The following HOMER2 variants were observed in gnomAD, a reference collection of about 807,000 sequenced individuals.
The protein encoded by HOMER2 is homer scaffold protein 2.
Under a neutral mutation model 47.0 loss-of-function variants are expected in HOMER2, and 27 were observed. The ratio of observed to expected loss-of-function variants is 0.57; its 90% CI spans 0.42 to 0.79. HOMER2 has a LOEUF of 0.79. Ranked by LOEUF, HOMER2 falls within the 30% of genes least tolerant of loss-of-function variation. The probability of loss-of-function intolerance (pLI) is 0.00; values close to 1 mark genes in which losing one functional copy is unlikely to be tolerated. For missense variants in HOMER2, 443 were observed against 435.0 expected, an observed-to-expected ratio of 1.02 and a Z score of -0.16; for synonymous variants, 161 against 163.8, an observed-to-expected ratio of 0.98 and a Z score of 0.13.
chr15:82,867,892 C>T (rs1487896748), intron 3 of HOMER2, among the ~76,000 whole-genome samples: 2 of 152,092 alleles, frequency 1.3e-5, no homozygotes, highest in Non-Finnish European at 2.9e-5. Flanking sequence ...CCAGTGGGCC[C>T]TAGGAGAATG....
At chr15:82,860,494 CA>C (rs1328802141) in intron 4 of HOMER2, among the ~76,000 whole-genome samples, 4 of 152,236 alleles carry the variant, frequency 2.6e-5, no homozygotes, top group Admixed American at 2.6e-4. Context: ...CATATGTTCA[CA>C]TTTTTTTGTG....
At chr15:82,952,739 C>T (rs903780886), upstream of HOMER2, 233 of 978,716 alleles carry the variant, frequency 2.4e-4, no homozygotes, top group Non-Finnish European at 2.7e-4. Context: ...GGGGGCTGGG[C>T]GGCCGCGCTG....
Position 82,968,297 on chromosome 15 carries a change from C to G in HOMER2, n.83-8989G>C, listed in dbSNP as rs183142561. Among the ~76,000 whole-genome samples, 620 of 152,328 alleles carry G rather than the reference C, an allele frequency of 4.1e-3. 2 individuals are homozygous for G. The highest frequency in any genetic ancestry group is 8.4e-3 in the Admixed American group (128 of 15,306). ...ATTTTATCGCCCCACAAGGAAACCT[C>G]AAACCCAGTTAGTCAGTCAGTCCTC... On this transcript the variant is annotated intron_variant and non_coding_transcript_variant, in intron 1 of 1. Coordinates refer to the HOMER2 transcript ENST00000500334.
rs2053741484 is a variant in HOMER2 at position 82,922,026 on chromosome 15, T to C, written c.6-29185A>G. ...AACATTAAGTTAATCTCATTCATTT[T>C]TCAGTTATAACTTGCATATGCTTAA... On this transcript the variant is annotated intron_variant, in intron 1 of 8. Coordinates refer to ENST00000450735, the MANE Select transcript of HOMER2 (RefSeq NM_004839.4). Among the ~76,000 whole-genome samples, 8 of 152,236 alleles carry C rather than the reference T, an allele frequency of 5.3e-5. No individual in the cohort carries two copies. The South Asian group carries it at 1.7e-3, about 32-fold the overall frequency.
chr15:82,871,863 C>T (rs568080458), intron 3 of HOMER2, among the ~76,000 whole-genome samples: 28 of 152,296 alleles, frequency 1.8e-4, no homozygotes, highest in African/African-American at 6.7e-4. Context: ...TTCTTGCTGT[C>T]GATTCTTTTC....
intron 1 of HOMER2, among the ~76,000 whole-genome samples, chr15:82,943,314 C>G (rs1441658282): frequency 6.6e-6 from 1 of 152,184 alleles, no homozygotes; most frequent in Non-Finnish European, 1.5e-5. Flanking sequence ...GCTTAACCAG[C>G]CTTCCCAGCT....
At chr15:82,978,226 G>C (rs2030272668) in intron 1 of HOMER2, among the ~76,000 whole-genome samples, 1 of 152,168 alleles carries the variant, frequency 6.6e-6, no homozygotes, top group African/African-American at 2.4e-5. Context: ...CTATGTATCA[G>C]ATTGCCAGAC....
At chr15:82,897,914 A>C (rs2052987712) in intron 1 of HOMER2, among the ~76,000 whole-genome samples, 1 of 152,260 alleles carries the variant, frequency 6.6e-6, no homozygotes, top group South Asian at 2.1e-4. Flanking sequence ...CAACTAAGCT[A>C]TACCAGACTC....
chr15:82,933,701 C>T (rs555587495), intron 1 of HOMER2, among the ~76,000 whole-genome samples: 5 of 152,356 alleles, frequency 3.3e-5, no homozygotes, highest in Admixed American at 1.3e-4. Context: ...GGGGCAGGCC[C>T]ACTGCCTCCT....
chr15:82,939,872 G>C (rs2054223963), intron 1 of HOMER2, among the ~76,000 whole-genome samples: 1 of 151,966 alleles, frequency 6.6e-6, no homozygotes, highest in Admixed American at 6.6e-5. Flanking sequence ...ATACACCATG[G>C]AATACTACGC....
At chr15:82,842,093 TTAAAGTAGTAGGA>T (rs2051181838) in exon 2 of HOMER2, 1 of 152,186 alleles carries the variant, frequency 6.6e-6, no homozygotes, top group Non-Finnish European at 1.5e-5. Context: ...TTTTCATTTT[TTAAAGTAGTAGGA>T]TCTCATTTAC....
chr15:82,938,858 C>A (rs145056620), intron 1 of HOMER2, among the ~76,000 whole-genome samples: 1 of 152,188 alleles, frequency 6.6e-6, no homozygotes, highest in Non-Finnish European at 1.5e-5. Context: ...GTTGAAGATG[C>A]TCCCCTTTTC....
At chr15:82,929,856 G>A (rs1409799493) in intron 1 of HOMER2, among the ~76,000 whole-genome samples, 1 of 151,328 alleles carries the variant, frequency 6.6e-6, no homozygotes, top group Non-Finnish European at 1.5e-5. Context: ...TCAGCCTCCC[G>A]AGTAGCTGGG....
chr15:82,892,767 G>GC lies in HOMER2; in HGVS notation c.79dup (p.Ala27GlyfsTer13). 1 of 1,606,252 alleles carries GC rather than the reference G, an allele frequency of 6.2e-7. No homozygotes were observed. The highest frequency in any genetic ancestry group is 8.5e-7 in the Non-Finnish European group (1 of 1,174,612). On this transcript the variant is annotated frameshift_variant, in exon 2 of 9. Coordinates refer to ENST00000450735, the MANE Select transcript of HOMER2 (RefSeq NM_004839.4). LOFTEE classifies it high-confidence loss of function. ...GGAAACGGTGACCGCCTGCTTGCTC[G>GC]CAGGCATCCAGTTCTTCTTGGTGTT...
At position 82,875,373 on chromosome 15, in the gene HOMER2, A is replaced by T; in HGVS notation, c.194T>A (p.Met65Lys). Residue 65 changes from methionine to lysine, a missense_variant, in exon 3 of 9, where the codon ATG becomes AAG. Physicochemically the swap from Met to Lys is moderately conservative, Grantham distance 95 (BLOSUM62 -1). Transcript: ENST00000450735. Reference protein sequence around the residue: ...VIINSTITPNMTFTKTSQKFG... With the variant: ...VIINSTITPNKTFTKTSQKFG... ...CTTCTGTGACGTTTTGGTGAAGGTC[A>T]TATTCGGTGTGATTGTGCTGTTTAT... The T allele has an allele frequency of 6.2e-7, 1 of 1,614,032 alleles. No homozygotes were observed. Among genetic ancestry groups the T allele is most frequent in the Non-Finnish European group, 8.5e-7 (1 of 1,179,888 alleles).
downstream of HOMER2, chr15:82,834,705 T>C (rs9806482): frequency 0.46 from 70,207 of 152,506 alleles, 16,820 homozygotes; most frequent in Non-Finnish European, 0.52. Context: ...CACCAAGCAC[T>C]ACATAAACTC....
chr15:82,930,920 G>T (rs540704869), intron 1 of HOMER2, among the ~76,000 whole-genome samples: 9 of 134,774 alleles, frequency 6.7e-5, no homozygotes, highest in African/African-American at 3.3e-5. Flanking sequence ...CAGCTACTTG[G>T]GGGGGCTGAG....
intron 1 of HOMER2, among the ~76,000 whole-genome samples, chr15:82,963,072 G>A (rs1196559433): frequency 1.3e-5 from 2 of 152,172 alleles, no homozygotes; most frequent in Non-Finnish European, 2.9e-5. Context: ...GAGGTCAAGA[G>A]ATTGAGACCA....
chr15:82,969,559 C>T (rs1167675470), intron 1 of HOMER2, among the ~76,000 whole-genome samples: 1 of 152,160 alleles, frequency 6.6e-6, no homozygotes, highest in African/African-American at 2.4e-5. Flanking sequence ...TGGGTAGGTT[C>T]ACATACACCT....
Sources: gnomAD v4.1 joint callset for allele counts (sites outside exome capture counted in the v4.1 genomes callset) on GRCh38, gnomAD v4.1.1 for gene constraint, MANE v1.5 for transcripts, NCBI Gene and HGNC (gene_info 2026-07-23, HGNC 2026-07-21) for gene names.